Variants in C12orf42 observed in about 807,000 individuals in gnomAD.
C12orf42 encodes uncharacterized protein C12orf42.
C12orf42 carries 25 observed loss-of-function variants against 21.6 expected under a neutral mutation model. The observed-to-expected ratio is 1.16, with a 90% CI of 0.84 to 1.62. The LOEUF is 1.62. Among genes scored for constraint, C12orf42 ranks in the 40% most tolerant of loss-of-function variants. C12orf42 has a pLI of 0.00. For missense variants in C12orf42, 483 were observed against 459.3 expected (o/e 1.05, Z -0.47); for synonymous variants, 174 against 175.0 (o/e 0.99, Z 0.05).
intron 10 of C12orf42, among the ~76,000 whole-genome samples, chr12:103,248,387 A>C (rs1387775892): frequency 6.6e-6 from 1 of 152,054 alleles, no homozygotes; most frequent in Non-Finnish European, 1.5e-5. Context: ...TACTCAAAAT[A>C]ATTTGACTTA....
At chr12:103,073,649 G>A in the C12orf42 span, among the ~76,000 whole-genome samples, 6 of 152,028 alleles carry the variant, frequency 3.9e-5, no homozygotes, top group African/African-American at 1.5e-4. Context: ...GGCTGCTAGG[G>A]GTGATAGGAG....
the C12orf42 span, among the ~76,000 whole-genome samples, chr12:103,534,552 A>G: frequency 1.3e-5 from 2 of 152,232 alleles, no homozygotes; most frequent in South Asian, 2.1e-4. Context: ...TACTTACTTC[A>G]CATTTACTAT....
the C12orf42 span, among the ~76,000 whole-genome samples, chr12:103,549,246 TTTG>T: frequency 6.6e-6 from 1 of 152,170 alleles, no homozygotes; most frequent in Non-Finnish European, 1.5e-5. Flanking sequence ...GTTGGTTTGG[TTTG>T]TTATTTTTTT....
At chr12:103,467,163 T>G (rs1230803639) in intron 2 of C12orf42, among the ~76,000 whole-genome samples, 2 of 152,200 alleles carry the variant, frequency 1.3e-5, no homozygotes, top group Non-Finnish European at 2.9e-5. Context: ...AGCATTCTCC[T>G]TCTCTGTGGA....
At chr12:103,292,813 A>G (rs1309577793) in intron 4 of C12orf42, among the ~76,000 whole-genome samples, 1 of 152,048 alleles carries the variant, frequency 6.6e-6, no homozygotes, top group East Asian at 1.9e-4. Context: ...ATATCCCTAA[A>G]TAGTCTATTA....
chr12:103,120,602 T>C, the C12orf42 span, among the ~76,000 whole-genome samples: 7 of 152,146 alleles, frequency 4.6e-5, no homozygotes, highest in East Asian at 1.2e-3. Flanking sequence ...ACTTTTCTTA[T>C]CAATAAGATG....
the C12orf42 span, among the ~76,000 whole-genome samples, chr12:103,139,205 C>T: frequency 1.3e-5 from 2 of 152,196 alleles, no homozygotes; most frequent in African/African-American, 2.4e-5. Flanking sequence ...CTCTAGCCCT[C>T]ATTTTCTTTA....
chr12:103,084,025 TC>T, the C12orf42 span, among the ~76,000 whole-genome samples: 29 of 152,216 alleles, frequency 1.9e-4, no homozygotes, highest in African/African-American at 7.2e-5. Flanking sequence ...AGTTTTCAAT[TC>T]TTTTTTTGTC....
intron 3 of C12orf42, among the ~76,000 whole-genome samples, chr12:103,400,247 C>T (rs577270884): frequency 6.6e-6 from 1 of 152,250 alleles, no homozygotes; most frequent in Admixed American, 6.5e-5. Context: ...AGGAGTGGCA[C>T]CCAGGGGGCA....
the C12orf42 span, among the ~76,000 whole-genome samples, chr12:103,524,045 C>G: frequency 6.6e-6 from 1 of 152,198 alleles, no homozygotes; most frequent in African/African-American, 2.4e-5. Context: ...AATTTCCCTT[C>G]TGACAGTTTA....
At chr12:103,435,277 T>C (rs1950603251) in intron 2 of C12orf42, among the ~76,000 whole-genome samples, 1 of 151,854 alleles carries the variant, frequency 6.6e-6, no homozygotes, top group Admixed American at 6.6e-5. Flanking sequence ...AGACCAAAAG[T>C]AGATAAAACC....
chr12:103,479,251 C>T (rs1954289518), intron 1 of C12orf42, among the ~76,000 whole-genome samples: 1 of 152,064 alleles, frequency 6.6e-6, no homozygotes, highest in African/African-American at 2.4e-5. Context: ...TGCATTCTTC[C>T]TTATATCAAT....
intron 4 of C12orf42, among the ~76,000 whole-genome samples, chr12:103,349,939 G>T (rs1282216051): frequency 6.6e-6 from 1 of 151,784 alleles, no homozygotes; most frequent in Non-Finnish European, 1.5e-5. Context: ...GCTTTACAAA[G>T]GAATTAAAAT....
intron 2 of C12orf42, among the ~76,000 whole-genome samples, chr12:103,434,739 T>G (rs1353395582): frequency 6.6e-6 from 1 of 152,226 alleles, no homozygotes; most frequent in Non-Finnish European, 1.5e-5. Context: ...GCACCTGGCT[T>G]GGAGGGTCCT....
At chr12:103,452,432 C>T (rs142161411) in intron 2 of C12orf42, among the ~76,000 whole-genome samples, 9 of 152,050 alleles carry the variant, frequency 5.9e-5, no homozygotes, top group East Asian at 1.9e-4. Context: ...TTCCACCTCT[C>T]GATAGGAGAA....
At chr12:103,431,884 G>T (rs535313212) in intron 2 of C12orf42, among the ~76,000 whole-genome samples, 26 of 152,182 alleles carry the variant, frequency 1.7e-4, no homozygotes, top group African/African-American at 6.3e-4. Flanking sequence ...GGGGCATAAG[G>T]CAGGAGAGAA....
the C12orf42 span, among the ~76,000 whole-genome samples, chr12:103,131,277 A>T: frequency 6.6e-6 from 1 of 152,216 alleles, no homozygotes; most frequent in Middle Eastern, 3.2e-3. Context: ...ATAGGAAGAG[A>T]AGAATTCTGA....
the C12orf42 span, among the ~76,000 whole-genome samples, chr12:103,140,041 A>T: frequency 6.6e-6 from 1 of 152,128 alleles, no homozygotes; most frequent in Non-Finnish European, 1.5e-5. Context: ...GCTCAGCCCA[A>T]CCTCGAGGTG....
intron 4 of C12orf42, among the ~76,000 whole-genome samples, chr12:103,295,788 T>G (rs898313553): frequency 5.9e-5 from 9 of 152,338 alleles, no homozygotes; most frequent in Admixed American, 4.6e-4. Context: ...CTTTTCAAAA[T>G]GCTTTCATTT....
Sources: gnomAD v4.1 joint callset for allele counts (sites outside exome capture counted in the v4.1 genomes callset) on GRCh38, gnomAD v4.1.1 for gene constraint, MANE v1.5 for transcripts, NCBI Gene and HGNC (gene_info 2026-07-23, HGNC 2026-07-21) for gene names.